Variants in TEX2 observed in about 807,000 individuals in gnomAD.
TEX2 encodes testis-expressed protein 2.
Under a neutral mutation model 106.9 loss-of-function variants are expected in TEX2, and 53 were observed. That is an observed-to-expected ratio of 0.50 (90% CI 0.40 to 0.62). TEX2 has a LOEUF of 0.62. Ranked by LOEUF, TEX2 falls within the 20% of genes least tolerant of loss-of-function variation. The pLI, the probability that TEX2 is intolerant of heterozygous loss-of-function variation, is 0.00. For synonymous variants in TEX2, 523 were observed against 534.8 expected (o/e 0.98, Z 0.30); for missense variants, 1,207 against 1,379.0 (o/e 0.88, Z 1.98).
intron 4 of TEX2, 69 bp downstream of exon 4, chr17:64,193,490 G>C (rs1486925009): frequency 8.4e-7 from 1 of 1,189,160 alleles, no homozygotes; most frequent in Non-Finnish European, 1.1e-6. Context: ...CTTCCTACCT[G>C]GCATTCTTTC....
intron 2 of TEX2, among the ~76,000 whole-genome samples, chr17:64,201,832 T>G (rs1219347154): frequency 2.0e-5 from 3 of 152,222 alleles, no homozygotes; most frequent in Non-Finnish European, 4.4e-5. Flanking sequence ...TCATCATGTC[T>G]GCCAACCACA....
At position 64,213,033 on chromosome 17, in the gene TEX2, C is replaced by T; in HGVS notation, c.1185G>A (p.Leu395=). ...TCTCCAGAACTAGAGAACTTGTCTT[C>T]AGGCCTAAATCCTTCAGACTGCTCC... ...SQGSSLKDLG[L]KTSSLVLEKC... Residue 395 remains leucine, a synonymous_variant, in exon 2 of 12, where the codon CTG becomes CTA. Coordinates refer to ENST00000584379, the MANE Select transcript of TEX2 (RefSeq NM_001288732.2). The surrounding 1 kb of genome is among the most constrained non-coding windows in gnomAD (Gnocchi z 4.4). 1 of 1,614,218 alleles carries T rather than the reference C, an allele frequency of 6.2e-7. No homozygotes were observed. Among genetic ancestry groups the T allele is most frequent in the Non-Finnish European group, 8.5e-7 (1 of 1,180,044 alleles).
intron 5 of TEX2, among the ~76,000 whole-genome samples, chr17:64,178,593 T>C (rs2031709036): frequency 6.6e-6 from 1 of 152,240 alleles, no homozygotes; most frequent in South Asian, 2.1e-4. Context: ...GGCCCCCTGA[T>C]ATGGCAGACA....
Position 64,187,388 on chromosome 17 carries a change from C to A in TEX2, c.2424+780G>T, listed in dbSNP as rs530992450. ...GCTCAGGTCAAAGTGCAAATCTTGG[C>A]CTCTGCGTTCTCTCACGTCAGCAAA... On this transcript the variant is annotated intron_variant, in intron 5 of 11. Transcript: ENST00000584379. Among the ~76,000 whole-genome samples the A allele has an allele frequency of 7.9e-5, 12 of 152,240 alleles. No individual in the cohort carries two copies. The East Asian group carries it at 2.1e-3, about 27-fold the overall frequency.
intron 1 of TEX2, among the ~76,000 whole-genome samples, chr17:64,225,393 C>T (rs782766618): frequency 6.6e-6 from 1 of 152,140 alleles, no homozygotes; most frequent in Non-Finnish European, 1.5e-5. Flanking sequence ...TAACTGCTAC[C>T]TGAAGCTGAG....
chr17:64,166,445 C>T (rs1359919256), intron 7 of TEX2, among the ~76,000 whole-genome samples: 3 of 152,216 alleles, frequency 2.0e-5, no homozygotes, highest in Non-Finnish European at 2.9e-5. Flanking sequence ...TCTGATGGGG[C>T]CTAGACTCCA....
At chr17:64,220,058 G>A (rs561259261) in intron 1 of TEX2, among the ~76,000 whole-genome samples, 1 of 152,340 alleles carries the variant, frequency 6.6e-6, no homozygotes, top group African/African-American at 2.4e-5. Flanking sequence ...AGAGTAATGA[G>A]AGCAAGGAGC....
At chr17:64,224,422 C>T (rs1555633626) in intron 1 of TEX2, among the ~76,000 whole-genome samples, 1 of 152,216 alleles carries the variant, frequency 6.6e-6, no homozygotes. Flanking sequence ...AATGAAGCAG[C>T]TGAGAACTGC....
chr17:64,188,502 CTA>C, intron 4 of TEX2, 87 bp from the exon 5 acceptor site: 1 of 1,578,594 alleles, frequency 6.3e-7, no homozygotes, highest in South Asian at 1.2e-5. Flanking sequence ...AGCTACAATG[CTA>C]TCAAATGACT....
rs67965706 is a variant in TEX2, at chr17:64,240,233, A to ATGTGTGTGTGTGTG, written c.-26+22921_-26+22934dup. ...TGTATATAAGTATGTGTATATGCAGATGTGTGTGTGTGTGTGTGTGTGTGT... is the reference window on the plus strand; with the variant it reads ...TGTATATAAGTATGTGTATATGCAGATGTGTGTGTGTGTGTGTGTGTGTGTGTGTGTGTGTGTGT... On this transcript the variant is annotated intron_variant, in intron 1 of 11. Transcript: ENST00000584379. Among the ~76,000 whole-genome samples the ATGTGTGTGTGTGTG allele has an allele frequency of 6.7e-4, 99 of 147,416 alleles. 1 individual carries two copies. The highest frequency in any genetic ancestry group is 3.4e-3 in the Middle Eastern group (1 of 290).
chr17:64,221,919 A>C (rs2033368935), intron 1 of TEX2, among the ~76,000 whole-genome samples: 1 of 152,250 alleles, frequency 6.6e-6, no homozygotes, highest in Non-Finnish European at 1.5e-5. Flanking sequence ...TAGTCACATA[A>C]AGACAAATAC....
intron 4 of TEX2, 128 bp from the exon 5 acceptor site, chr17:64,188,543 A>G (rs1203749603): frequency 6.9e-7 from 1 of 1,442,202 alleles, no homozygotes; most frequent in Non-Finnish European, 9.3e-7. Context: ...GGGGCTGGGC[A>G]TGGTGGCTCA....
At chr17:64,198,994 C>T (rs1177402121) in intron 2 of TEX2, among the ~76,000 whole-genome samples, 1 of 152,150 alleles carries the variant, frequency 6.6e-6, no homozygotes, top group Non-Finnish European at 1.5e-5. Context: ...AAAGGACAGT[C>T]TCTGAGAAAT....
Position 64,188,309 on chromosome 17 carries a change from C to A in TEX2, c.2283G>T (p.Gln761His). The A allele has an allele frequency of 6.2e-7, 1 of 1,614,200 alleles. No individual in the cohort carries two copies. Among genetic ancestry groups the A allele is most frequent in the Non-Finnish European group, 8.5e-7 (1 of 1,180,032 alleles). Residue 761 changes from glutamine to histidine, a missense_variant, in exon 5 of 12, where the codon CAG (glutamine) becomes CAT (histidine). By Grantham distance (24) the Gln-to-His change is conservative. Around this residue, in one of 3 missense-constraint regions of TEX2, gnomAD observed 1,067 missense variants for 1,193.6 expected, o/e 0.89. Transcript: ENST00000584379. ...SVEEIMSQPK[Q>H]KELAGSVRQK... ...GCCGCACGCTGCCTGCCAGCTCCTT[C>A]TGCTTTGGCTGTGACATGATCTCCT...
At chr17:64,230,322 AC>A (rs1555634465) in intron 1 of TEX2, among the ~76,000 whole-genome samples, 1 of 152,206 alleles carries the variant, frequency 6.6e-6, no homozygotes, top group Non-Finnish European at 1.5e-5. Context: ...TAAGTGGAGG[AC>A]AAAGCAGAAG....
intron 1 of TEX2, 79 bp from the exon 2 acceptor site, chr17:64,214,321 A>G: frequency 1.6e-6 from 2 of 1,222,346 alleles, no homozygotes; most frequent in South Asian, 2.9e-5. Flanking sequence ...ATAGGAGCAC[A>G]GATGAAGCTG....
chr17:64,222,912 A>T (rs376174470), intron 1 of TEX2, among the ~76,000 whole-genome samples: 2 of 152,162 alleles, frequency 1.3e-5, no homozygotes, highest in African/African-American at 4.8e-5. Flanking sequence ...AGAAAGCAGG[A>T]TGTCTCAAAC....
At chr17:64,252,960 G>A (rs919984548) in intron 1 of TEX2, among the ~76,000 whole-genome samples, 15 of 152,086 alleles carry the variant, frequency 9.9e-5, no homozygotes, top group Non-Finnish European at 2.9e-5. Flanking sequence ...CAACTGGGAA[G>A]AGAAAGGTGG....
intron 6 of TEX2, among the ~76,000 whole-genome samples, chr17:64,171,991 A>G (rs1186181539): frequency 4.0e-5 from 6 of 151,746 alleles, no homozygotes; most frequent in South Asian, 2.1e-4. Context: ...AAAAAAAAAA[A>G]AAAAGAAAAG....
Sources: allele counts gnomAD v4.1 joint callset (sites outside exome capture counted in the v4.1 genomes callset), GRCh38; gene constraint gnomAD v4.1.1; regional missense constraint gnomAD v4.1.1; non-coding constraint Gnocchi (gnomAD v3.1); transcripts MANE v1.5; gene names NCBI Gene and HGNC (gene_info 2026-07-23, HGNC 2026-07-21).